The following SLC35F4 variants were observed in gnomAD, a reference collection of about 807,000 sequenced individuals.
The protein encoded by SLC35F4 is solute carrier family 35 member F4.
SLC35F4 carries 24 observed loss-of-function variants against 44.2 expected under a neutral mutation model. That is an observed-to-expected ratio of 0.54 (90% CI 0.39 to 0.76). The LOEUF (loss-of-function observed/expected upper bound fraction) is 0.76. Among genes scored for constraint, SLC35F4 ranks in the 30% least tolerant of loss-of-function variants. The pLI is 0.00. For synonymous variants in SLC35F4, 238 were observed against 223.6 expected, an observed-to-expected ratio of 1.06 and a Z score of -0.57; for missense variants, 562 against 586.1, an observed-to-expected ratio of 0.96 and a Z score of 0.42.
intron 1 of SLC35F4, among the ~76,000 whole-genome samples, chr14:57,858,613 G>A (rs1361623105): frequency 2.6e-5 from 4 of 151,450 alleles, no homozygotes; most frequent in South Asian, 4.2e-4. Flanking sequence ...ACACCAACAC[G>A]GCGCATGTAT....
At chr14:57,954,063 G>T (rs1360380068) in intron 1 of SLC35F4, among the ~76,000 whole-genome samples, 8 of 152,080 alleles carry the variant, frequency 5.3e-5, no homozygotes, top group Non-Finnish European at 1.2e-4. Context: ...GGAACAGAAA[G>T]CATAACAAAC....
chr14:57,671,036 C>T lies in SLC35F4; in HGVS notation c.104-76912G>A, dbSNP rs57162191. Among the ~76,000 whole-genome samples the T allele has an allele frequency of 1.4e-3, 216 of 151,278 alleles. 2 individuals are homozygous for T. The highest frequency in any genetic ancestry group is 6.9e-3 in the Middle Eastern group (2 of 288). The stretch of plus-strand genomic sequence containing the variant: ...TATCCTGCCTCAGCCTCCTGAGTAG[C>T]TGGGACTATAGACACACACCACCAT... On this transcript the variant is annotated intron_variant, in intron 1 of 7. Coordinates refer to ENST00000556826, the MANE Select transcript of SLC35F4 (RefSeq NM_001306087.2).
chr14:57,634,956 A>G (rs1348352021), intron 1 of SLC35F4, among the ~76,000 whole-genome samples: 3 of 152,138 alleles, frequency 2.0e-5, no homozygotes, highest in Non-Finnish European at 1.5e-5. Context: ...ATGAGTGATC[A>G]AAAGTGTTAA....
At chr14:57,572,049 A>C (rs748319833) in intron 4 of SLC35F4, 30 bp from the exon 5 acceptor site, 2 of 1,596,518 alleles carry the variant, frequency 1.3e-6, no homozygotes, top group African/African-American at 2.7e-5. Flanking sequence ...GAAACAGAAA[A>C]GCAATGATCC....
rs139709456 is a variant in SLC35F4, at chr14:57,604,607, C to G, written c.104-10483G>C. Among the ~76,000 whole-genome samples, 88 of 152,156 alleles carry G rather than the reference C, an allele frequency of 5.8e-4. 2 individuals carry two copies. The East Asian group carries it at 0.017, about 29-fold the overall frequency. ...TTTCACAGAATTGGAAAAAACTATT[C>G]TAAAATTTATATGGAACCAAAAAAG... On this transcript the variant is annotated intron_variant, in intron 1 of 7. Coordinates refer to ENST00000556826, the MANE Select transcript of SLC35F4 (RefSeq NM_001306087.2).
At chr14:57,967,688 A>G (rs1357186846) in intron 1 of SLC35F4, among the ~76,000 whole-genome samples, 1 of 152,336 alleles carries the variant, frequency 6.6e-6, no homozygotes, top group South Asian at 2.1e-4. Context: ...GGGAGTAGTA[A>G]AGCAACTTGC....
chr14:57,809,422 C>T (rs993245526), intron 1 of SLC35F4, among the ~76,000 whole-genome samples: 2 of 152,088 alleles, frequency 1.3e-5, no homozygotes, highest in African/African-American at 4.8e-5. Flanking sequence ...TAACTCCATG[C>T]CCTCTTTTGG....
chr14:57,759,290 T>G (rs2140613061), intron 1 of SLC35F4, among the ~76,000 whole-genome samples: 1 of 152,268 alleles, frequency 6.6e-6, no homozygotes, highest in African/African-American at 2.4e-5. Flanking sequence ...ATTTTTGATC[T>G]TTTGAGGGGC....
At chr14:57,807,025 T>C (rs1209772693) in intron 1 of SLC35F4, among the ~76,000 whole-genome samples, 1 of 152,230 alleles carries the variant, frequency 6.6e-6, no homozygotes, top group East Asian at 1.9e-4. Context: ...TTTTTTAGCT[T>C]CAGAAAATAA....
At chr14:57,700,584 A>T (rs1374182755) in intron 1 of SLC35F4, among the ~76,000 whole-genome samples, 1 of 152,180 alleles carries the variant, frequency 6.6e-6, no homozygotes, top group Admixed American at 6.6e-5. Context: ...GCTTAGCTTA[A>T]AACACACATT....
At chr14:57,905,667 G>A (rs571954227) in intron 1 of SLC35F4, among the ~76,000 whole-genome samples, 30 of 152,304 alleles carry the variant, frequency 2.0e-4, no homozygotes, top group South Asian at 4.1e-4. Flanking sequence ...GGTGTGCTCA[G>A]ACTCAGCTCC....
At chr14:57,700,438 G>A (rs550485823) in intron 1 of SLC35F4, among the ~76,000 whole-genome samples, 1 of 152,136 alleles carries the variant, frequency 6.6e-6, no homozygotes, top group African/African-American at 2.4e-5. Flanking sequence ...GTACACTACT[G>A]TAGATTTTAT....
intron 1 of SLC35F4, among the ~76,000 whole-genome samples, chr14:57,895,357 G>A (rs1888849310): frequency 6.6e-6 from 1 of 152,058 alleles, no homozygotes; most frequent in South Asian, 2.1e-4. Flanking sequence ...AGATATCCAG[G>A]TATCTTGGAA....
Position 57,645,670 on chromosome 14 carries a change from G to A in SLC35F4, c.104-51546C>T, listed in dbSNP as rs1342632948. On this transcript the variant is annotated intron_variant, in intron 1 of 7. Coordinates refer to ENST00000556826, the MANE Select transcript of SLC35F4 (RefSeq NM_001306087.2). Reference sequence around the variant, plus strand: ...ACTTCCAACACTATGTTGAATAGGAGTGGTGAGAGAGGGCATCCCTGTCTT... The same window carrying A: ...ACTTCCAACACTATGTTGAATAGGAATGGTGAGAGAGGGCATCCCTGTCTT... Among the ~76,000 whole-genome samples, 5 of 151,348 alleles carry A rather than the reference G, an allele frequency of 3.3e-5. No homozygotes were observed. In the East Asian group the frequency reaches 9.6e-4, roughly 29 times the overall value.
intron 1 of SLC35F4, among the ~76,000 whole-genome samples, chr14:57,620,356 A>G (rs1032035241): frequency 4.6e-5 from 7 of 152,330 alleles, no homozygotes; most frequent in Admixed American, 3.9e-4. Context: ...CAGAAACACT[A>G]CAAGCCAGAA....
chr14:57,871,790 G>A (rs1460224394), intron 1 of SLC35F4, among the ~76,000 whole-genome samples: 2 of 152,144 alleles, frequency 1.3e-5, no homozygotes, highest in East Asian at 3.9e-4. Flanking sequence ...ACACTCAAGG[G>A]TTTTCTCTTT....
At chr14:57,871,164 G>T (rs1888290043) in intron 1 of SLC35F4, among the ~76,000 whole-genome samples, 1 of 152,142 alleles carries the variant, frequency 6.6e-6, no homozygotes, top group Admixed American at 6.5e-5. Context: ...AGATATTCTG[G>T]TGCCTCCCAG....
intron 1 of SLC35F4, among the ~76,000 whole-genome samples, chr14:57,664,503 C>G (rs112906339): frequency 0.026 from 3,947 of 152,092 alleles, 162 homozygotes; most frequent in African/African-American, 0.089. Context: ...CCGCCTTCCA[C>G]GTTCAAGTGA....
At position 57,617,130 on chromosome 14, in the gene SLC35F4, C is replaced by CTTTTTTTTTTTTT. The variant is rs3054446; in HGVS notation, c.104-23019_104-23007dup. Among the ~76,000 whole-genome samples the CTTTTTTTTTTTTT allele has an allele frequency of 4.1e-3, 410 of 99,238 alleles. 14 individuals carry two copies. Among genetic ancestry groups the CTTTTTTTTTTTTT allele is most frequent in the Non-Finnish European group, 5.5e-3 (288 of 52,440 alleles). The allele number at this position is 99,238 out of a possible 152,430, so 65.1% of individuals were successfully genotyped here. A position where few individuals can be genotyped will look rare whatever the true frequency, so the allele number is the denominator to read the frequency against. ...CGAGCTCAGCTTAACTGTACTTATTCTTTTTTTTTTTTTTTTTTGAGACAG... is the reference window on the plus strand; with the variant it reads ...CGAGCTCAGCTTAACTGTACTTATTCTTTTTTTTTTTTTTTTTTTTTTTTTTTTTTTGAGACAG... On this transcript the variant is annotated intron_variant, in intron 1 of 7. Coordinates refer to ENST00000556826, the MANE Select transcript of SLC35F4 (RefSeq NM_001306087.2).
Sources: allele counts gnomAD v4.1 joint callset (sites outside exome capture counted in the v4.1 genomes callset), GRCh38; gene constraint gnomAD v4.1.1; transcripts MANE v1.5; gene names NCBI Gene and HGNC (gene_info 2026-07-23, HGNC 2026-07-21).